ACSL4: variants seen among roughly 807,000 people sequenced by gnomAD.
ACSL4 encodes the protein acyl-CoA synthetase long chain family member 4.
A neutral mutation model predicts 49.1 loss-of-function variants in ACSL4; 9 were observed. That is an observed-to-expected ratio of 0.18 (90% confidence interval 0.11 to 0.32). ACSL4 has a LOEUF of 0.32. Ranked by LOEUF, ACSL4 falls within the 10% of genes least tolerant of loss-of-function variation. The probability of loss-of-function intolerance (pLI) is 1.00; values close to 1 mark genes in which losing one functional copy is unlikely to be tolerated. For missense variants in ACSL4, 333 were observed against 493.7 expected (o/e 0.67, Z 3.08); for synonymous variants, 191 against 170.3 (o/e 1.12, Z -0.95).
rs189461085 is a variant in ACSL4, at chrX:109,680,252, T to C, written c.655+746A>G. Among the ~76,000 whole-genome samples, 186 of 111,289 alleles carry C rather than the reference T, an allele frequency of 1.7e-3. 1 individual carries two copies. Among genetic ancestry groups the C allele is most frequent in the African/African-American group, 5.6e-3 (173 of 30,622 alleles). On this transcript the variant is annotated intron_variant, in intron 6 of 15. Coordinates refer to ENST00000672401, the MANE Select transcript of ACSL4 (RefSeq NM_001318510.2). ...CTGTTTGCCGGCAAGCAGGGTAAAA[T>C]CTGACTCTCTGCCATTCTGGACACA... is the stretch of plus-strand genomic sequence containing the variant.
chrX:109,663,939 C>T (rs777586472), intron 12 of ACSL4, among the ~76,000 whole-genome samples: 8 of 111,051 alleles, frequency 7.2e-5, no homozygotes, highest in Non-Finnish European at 1.1e-4. Context: ...AAACACTAAA[C>T]TAATTGATAA....
chrX:109,641,632 A>G lies in ACSL4; in HGVS notation c.*2397T>C, dbSNP rs1302079327. The G allele has an allele frequency of 8.9e-6, 1 of 112,577 alleles. No individual in the cohort carries two copies. The highest frequency in any genetic ancestry group is 3.2e-5 in the African/African-American group (1 of 31,035). The allele number at this position is 112,577 out of a possible 1,213,427, so 9.3% of individuals were successfully genotyped here. A position where few individuals can be genotyped will look rare whatever the true frequency, so the allele number is the denominator to read the frequency against. On this transcript the variant is annotated 3_prime_UTR_variant, in exon 16 of 16. Transcript: ENST00000672401. ...AAGACTTACTAATCAGTTATTCATG[A>G]TCAAAGAAACATGATTCTCCTTAAC...
At position 109,671,501 on chromosome X, in the gene ACSL4, C is replaced by G. The variant is rs779932654; in HGVS notation, c.1003-2328G>C. ...GCCACCCCGTCCGGGAGGTGGCAGG[C>G]GGGCGCCTCTGCCTGGCCGCCCCGT... On this transcript the variant is annotated intron_variant, in intron 9 of 15. Transcript: ENST00000672401. 6.0e-3 allele frequency among the ~76,000 whole-genome samples: 598 copies of G among 99,925 alleles called. 6 individuals are homozygous for G. The highest frequency in any genetic ancestry group is 0.019 in the African/African-American group (512 of 27,119). 86.8% of individuals were successfully genotyped at this position (99,925 alleles called of 115,157 possible).
chrX:109,729,064 A>T (rs769063290), intron 1 of ACSL4, among the ~76,000 whole-genome samples: 1 of 109,128 alleles, frequency 9.2e-6, no homozygotes, highest in African/African-American at 3.3e-5. Context: ...CAAAAAAAAA[A>T]AAAAATTAGC....
intron 6 of ACSL4, among the ~76,000 whole-genome samples, chrX:109,679,994 C>A (rs1924037872): frequency 8.9e-6 from 1 of 112,031 alleles, no homozygotes; most frequent in Non-Finnish European, 1.9e-5. Flanking sequence ...TCCAGACTAT[C>A]TTTACAAGGA....
chrX:109,667,721 A>C (rs1054706171), intron 11 of ACSL4, among the ~76,000 whole-genome samples: 4 of 110,888 alleles, frequency 3.6e-5, no homozygotes, highest in Non-Finnish European at 7.6e-5. Flanking sequence ...ACATGGTGAA[A>C]CCCCATCTAA....
intron 9 of ACSL4, among the ~76,000 whole-genome samples, chrX:109,673,761 T>C (rs985224419): frequency 7.1e-5 from 8 of 112,314 alleles, no homozygotes; most frequent in African/African-American, 1.3e-4. Context: ...TAGTGATACA[T>C]AGTCTTTCTG....
intron 1 of ACSL4, among the ~76,000 whole-genome samples, chrX:109,715,243 T>C (rs1927036770): frequency 8.9e-6 from 1 of 112,464 alleles, no homozygotes; most frequent in African/African-American, 3.2e-5. Flanking sequence ...GTTTAGTTAA[T>C]AGTATCACAC....
rs1463094781 is a variant in ACSL4 at position 109,648,905 on chromosome X, T to C, written c.1856-4719A>G. ...AACAGACAAACAGAGAGCCAAATCATGAGTGAACTCCCATTCACAATTGCT... is the reference window on the plus strand; with the variant it reads ...AACAGACAAACAGAGAGCCAAATCACGAGTGAACTCCCATTCACAATTGCT... On this transcript the variant is annotated intron_variant, in intron 15 of 15. Coordinates refer to ENST00000672401, the MANE Select transcript of ACSL4 (RefSeq NM_001318510.2). Among the ~76,000 whole-genome samples the C allele has an allele frequency of 9.1e-5, 9 of 98,531 alleles. No individual in the cohort carries two copies. The Admixed American group carries it at 1.0e-3, about 11-fold the overall frequency. 85.6% of individuals were successfully genotyped at this position (98,531 alleles called of 115,157 possible). A position where few individuals can be genotyped will look rare whatever the true frequency, so the allele number is the denominator to read the frequency against.
intron 1 of ACSL4, among the ~76,000 whole-genome samples, chrX:109,700,825 A>T (rs1176420665): frequency 9.1e-5 from 10 of 110,136 alleles, no homozygotes; most frequent in Non-Finnish European, 1.9e-4. Flanking sequence ...CGGGCGGATC[A>T]TGAGGTCAGG....
At chrX:109,649,451 G>A (rs1011430596) in intron 15 of ACSL4, among the ~76,000 whole-genome samples, 17 of 111,760 alleles carry the variant, frequency 1.5e-4, no homozygotes, top group African/African-American at 5.2e-4. Flanking sequence ...AATAAATGGT[G>A]CTGGGAAAAC....
chrX:109,676,568 T>C (rs1026279177), intron 8 of ACSL4, among the ~76,000 whole-genome samples: 3 of 110,453 alleles, frequency 2.7e-5, no homozygotes, highest in African/African-American at 6.6e-5. Context: ...TCTTTCAGCA[T>C]CCAGAACCCC....
chrX:109,683,739 G>A, intron 2 of ACSL4: 1 of 328,106 alleles, frequency 3.0e-6, no homozygotes, highest in Non-Finnish European at 5.3e-6. Flanking sequence ...AAAAACAAAA[G>A]AATATTAACA....
intron 2 of ACSL4, among the ~76,000 whole-genome samples, chrX:109,689,522 C>T (rs1603406931): frequency 8.9e-6 from 1 of 112,445 alleles, no homozygotes; most frequent in East Asian, 2.8e-4. Flanking sequence ...TCTGACTTCA[C>T]CTCCTAGTAC....
chrX:109,699,236 G>T (rs147386754), intron 1 of ACSL4, among the ~76,000 whole-genome samples: 8,303 of 111,547 alleles, frequency 0.074, 323 homozygotes, highest in Non-Finnish European at 0.12. Context: ...GTGTGGTGGT[G>T]CATGCCTATT....
chrX:109,676,955 T>C (rs1923748683), intron 8 of ACSL4, among the ~76,000 whole-genome samples: 1 of 111,711 alleles, frequency 9.0e-6, no homozygotes, highest in African/African-American at 3.2e-5. Context: ...TTTTTTTCAA[T>C]TTTACTTAAT....
chrX:109,674,117 G>A (rs1209809547), intron 9 of ACSL4, among the ~76,000 whole-genome samples: 3 of 110,678 alleles, frequency 2.7e-5, no homozygotes, highest in Admixed American at 9.6e-5. Flanking sequence ...ACCTTAAAAC[G>A]GTCTGACCAA....
intron 15 of ACSL4, among the ~76,000 whole-genome samples, chrX:109,644,846 G>A (rs1197446061): frequency 1.8e-5 from 2 of 113,240 alleles, no homozygotes; most frequent in Non-Finnish European, 3.7e-5. Flanking sequence ...GCCGAAGCAG[G>A]GCGAGGCATT....
At chrX:109,717,464 C>T in intron 1 of ACSL4, among the ~76,000 whole-genome samples, 1 of 110,504 alleles carries the variant, frequency 9.0e-6, no homozygotes, top group Non-Finnish European at 1.9e-5. Context: ...CCATTGCACT[C>T]CAGCCTGGGT....
Sources: gnomAD v4.1 joint callset for allele counts (sites outside exome capture counted in the v4.1 genomes callset) on GRCh38, gnomAD v4.1.1 for gene constraint, MANE v1.5 for transcripts, NCBI Gene and HGNC (gene_info 2026-07-23, HGNC 2026-07-21) for gene names.